ANKS1B: variants seen among roughly 807,000 people sequenced by gnomAD.
The protein encoded by ANKS1B is ankyrin repeat and sterile alpha motif domain containing 1B.
In ANKS1B, 36 loss-of-function variants were observed where a neutral mutation model predicts 148.3. The observed-to-expected ratio is 0.24, with a 90% CI of 0.19 to 0.32. The LOEUF (loss-of-function observed/expected upper bound fraction) is 0.32. ANKS1B is among the 10% of genes least tolerant of loss of function. The pLI, the probability that ANKS1B is intolerant of heterozygous loss-of-function variation, is 1.00. For synonymous variants in ANKS1B, 542 were observed against 560.8 expected (o/e 0.97, Z 0.47); for missense variants, 1,157 against 1,542.6 (o/e 0.75, Z 4.19).
intron 11 of ANKS1B, among the ~76,000 whole-genome samples, chr12:99,413,977 C>T (rs772777632): frequency 6.6e-6 from 1 of 152,142 alleles, no homozygotes; most frequent in African/African-American, 2.4e-5. Flanking sequence ...GGTTCCTGCA[C>T]CTGCCTTTCC....
In ANKS1B at chr12:99,205,174, T is replaced by C. The variant is rs575699553; in HGVS notation, c.2419+39168A>G. The stretch of plus-strand genomic sequence containing the variant: ...TCCAAGAAACCAAGAGAGTGCGAGA[T>C]GATGGCCAAATCTCTAAACAAGCCA... On this transcript the variant is annotated intron_variant, in intron 14 of 26. Coordinates refer to ENST00000683438, the MANE Select transcript of ANKS1B (RefSeq NM_001352186.2). Among the ~76,000 whole-genome samples, 12 of 152,312 alleles carry C rather than the reference T, an allele frequency of 7.9e-5. No homozygotes were observed. In the East Asian group the frequency reaches 2.3e-3, roughly 29 times the overall value.
chr12:99,239,477 A>G (rs1053912611), intron 14 of ANKS1B, among the ~76,000 whole-genome samples: 1 of 152,274 alleles, frequency 6.6e-6, no homozygotes, highest in African/African-American at 2.4e-5. Flanking sequence ...GAATGAACCA[A>G]GTTAGAAAAC....
At chr12:99,841,139 T>C (rs1337804825) in intron 1 of ANKS1B, among the ~76,000 whole-genome samples, 1 of 152,054 alleles carries the variant, frequency 6.6e-6, no homozygotes, top group African/African-American at 2.4e-5. Flanking sequence ...ATACCAGTAA[T>C]AGCTAGCTCA....
chr12:98,821,065 A>G (rs2099185968), intron 19 of ANKS1B, among the ~76,000 whole-genome samples: 1 of 152,246 alleles, frequency 6.6e-6, no homozygotes, highest in Non-Finnish European at 1.5e-5. Context: ...GTGCCTCACA[A>G]CAATGATGTG....
intron 1 of ANKS1B, among the ~76,000 whole-genome samples, chr12:99,868,779 C>T (rs544198080): frequency 3.9e-5 from 6 of 152,152 alleles, no homozygotes; most frequent in Admixed American, 2.6e-4. Context: ...AGGAAGAGGC[C>T]GGGTGTGGTG....
chr12:99,958,867 G>A (rs1224954975), intron 1 of ANKS1B, among the ~76,000 whole-genome samples: 1 of 152,084 alleles, frequency 6.6e-6, no homozygotes, highest in Admixed American at 6.5e-5. Context: ...CACAAATGAT[G>A]CAAGTAACAG....
At chr12:99,155,607 TGA>T (rs2075941946) in intron 14 of ANKS1B, among the ~76,000 whole-genome samples, 1 of 152,126 alleles carries the variant, frequency 6.6e-6, no homozygotes. Context: ...TGTAAATGTG[TGA>T]GTTTTACTGA....
At chr12:99,593,651 CAT>C (rs2097726946) in intron 9 of ANKS1B, among the ~76,000 whole-genome samples, 2 of 152,036 alleles carry the variant, frequency 1.3e-5, no homozygotes, top group African/African-American at 4.8e-5. Flanking sequence ...AATTATCAAA[CAT>C]AAATTGCTAA....
intron 25 of ANKS1B, among the ~76,000 whole-genome samples, chr12:98,767,413 C>T (rs1253602797): frequency 1.3e-5 from 2 of 152,066 alleles, no homozygotes; most frequent in Non-Finnish European, 2.9e-5. Context: ...AGCTCCGTCT[C>T]CCACACGTCC....
chr12:99,463,320 C>T (rs779294761), intron 10 of ANKS1B, among the ~76,000 whole-genome samples: 18 of 152,114 alleles, frequency 1.2e-4, no homozygotes, highest in Non-Finnish European at 2.4e-4. Context: ...CCAAGATGGC[C>T]GAATAGGAAC....
At chr12:99,555,313 T>C (rs1409077563) in intron 9 of ANKS1B, among the ~76,000 whole-genome samples, 1 of 152,158 alleles carries the variant, frequency 6.6e-6, no homozygotes, top group Non-Finnish European at 1.5e-5. Context: ...TTTGCTGAAG[T>C]TGTTTATCAG....
intron 4 of ANKS1B, among the ~76,000 whole-genome samples, chr12:99,786,307 T>C (rs1438061895): frequency 6.6e-6 from 1 of 152,144 alleles, no homozygotes; most frequent in Non-Finnish European, 1.5e-5. Context: ...GGGGTTAGCT[T>C]TGGAACAGGT....
chr12:99,782,417 C>G (rs1479906178), intron 4 of ANKS1B, among the ~76,000 whole-genome samples: 3 of 152,054 alleles, frequency 2.0e-5, no homozygotes, highest in Non-Finnish European at 4.4e-5. Flanking sequence ...AAATTAGCCA[C>G]AGGTGGTGGT....
At chr12:98,914,012 C>T (rs1247942117) in intron 17 of ANKS1B, among the ~76,000 whole-genome samples, 1 of 152,102 alleles carries the variant, frequency 6.6e-6, no homozygotes, top group Non-Finnish European at 1.5e-5. Context: ...CTCATTGCTT[C>T]CTTTCTATGT....
intron 8 of ANKS1B, among the ~76,000 whole-genome samples, chr12:99,718,306 C>T (rs1411366261): frequency 6.6e-6 from 1 of 152,114 alleles, no homozygotes; most frequent in Middle Eastern, 3.2e-3. Context: ...TATTCCTGGA[C>T]TACAGCTGTA....
chr12:99,332,946 G>A (rs2087885776), intron 12 of ANKS1B, among the ~76,000 whole-genome samples: 1 of 151,872 alleles, frequency 6.6e-6, no homozygotes, highest in East Asian at 1.9e-4. Context: ...CAGATTTAGG[G>A]GGCTGTATTG....
chr12:99,019,870 T>C (rs1211319096), intron 17 of ANKS1B, among the ~76,000 whole-genome samples: 1 of 152,192 alleles, frequency 6.6e-6, no homozygotes, highest in Non-Finnish European at 1.5e-5. Context: ...TGTTGAACTG[T>C]AGAAGGCCTT....
chr12:99,070,283 C>G (rs1282476725), intron 16 of ANKS1B, among the ~76,000 whole-genome samples: 1 of 152,162 alleles, frequency 6.6e-6, no homozygotes, highest in African/African-American at 2.4e-5. Context: ...AGTAGAAAAT[C>G]TCATTGATTA....
chr12:98,944,855 C>T (rs1016212496), intron 17 of ANKS1B, among the ~76,000 whole-genome samples: 1 of 152,184 alleles, frequency 6.6e-6, no homozygotes, highest in Non-Finnish European at 1.5e-5. Context: ...CATGAAGTCC[C>T]GCTCACAGTA....
Sources: gnomAD v4.1 joint callset for allele counts (sites outside exome capture counted in the v4.1 genomes callset) on GRCh38, gnomAD v4.1.1 for gene constraint, MANE v1.5 for transcripts, NCBI Gene and HGNC (gene_info 2026-07-23, HGNC 2026-07-21) for gene names.